DENND2A: variants seen among roughly 807,000 people sequenced by gnomAD.
DENND2A encodes the protein DENN domain containing 2A, also known as DENN domain-containing protein 2A.
A neutral mutation model predicts 105.3 loss-of-function variants in DENND2A; 53 were observed. That is an observed-to-expected ratio of 0.50 (90% CI 0.40 to 0.63). The LOEUF is 0.63. DENND2A is among the 30% of genes least tolerant of loss of function. DENND2A has a pLI of 0.00. For synonymous variants in DENND2A, 522 were observed against 508.4 expected (o/e 1.03, Z -0.36); for missense variants, 1,138 against 1,279.6 (o/e 0.89, Z 1.69).
chr7:140,609,762 G>C (rs189212290), intron 1 of DENND2A: 1 of 152,254 alleles, frequency 6.6e-6, no homozygotes, highest in East Asian at 1.9e-4. Flanking sequence ...AGTGAATACT[G>C]TAAAATCTTT....
intron 6 of DENND2A, 43 bp from the exon 7 acceptor site, chr7:140,569,781 C>T (rs1798015504): frequency 7.3e-7 from 1 of 1,376,806 alleles, no homozygotes; most frequent in Non-Finnish European, 1.0e-6. Context: ...TAGCAGCCCA[C>T]TCTCTGTGGC....
At chr7:140,599,481 T>C (rs912790101) in intron 3 of DENND2A, among the ~76,000 whole-genome samples, 2 of 152,096 alleles carry the variant, frequency 1.3e-5, no homozygotes, top group Non-Finnish European at 2.9e-5. Flanking sequence ...GTTTATGTTA[T>C]ACATGTTAAC....
intron 1 of DENND2A, among the ~76,000 whole-genome samples, chr7:140,636,522 C>T (rs565289284): frequency 6.6e-6 from 1 of 152,138 alleles, no homozygotes; most frequent in Non-Finnish European, 1.5e-5. Context: ...CTTTTGGAAT[C>T]TGAGTTTCCG....
At chr7:140,605,102 C>G (rs1489400745) in intron 2 of DENND2A, among the ~76,000 whole-genome samples, 1 of 152,188 alleles carries the variant, frequency 6.6e-6, no homozygotes, top group East Asian at 1.9e-4. Flanking sequence ...ACTCACGCAA[C>G]AGAGGCAAGG....
At position 140,555,631 on chromosome 7, in the gene DENND2A, C is replaced by G. The variant is rs1464847776; in HGVS notation, c.2037+5G>C. 1.2e-6 allele frequency: 2 copies of G among 1,611,532 alleles called. No individual in the cohort carries two copies. Among genetic ancestry groups the G allele is most frequent in the Admixed American group, 1.7e-5 (1 of 59,396 alleles). On this transcript the variant is annotated splice_donor_5th_base_variant and intron_variant, in intron 12 of 19. Transcript: ENST00000496613. ...TTCCTCTTTCTCTGAGGTCCAAGTT[C>G]TCACCCTTGAAAAGAGGCTGAAGCA...
At chr7:140,568,402 T>A (rs1030532039) in intron 8 of DENND2A, among the ~76,000 whole-genome samples, 5 of 152,150 alleles carry the variant, frequency 3.3e-5, no homozygotes, top group African/African-American at 1.2e-4. Context: ...AGTGATTTCC[T>A]CCAGATCACA....
intron 5 of DENND2A, among the ~76,000 whole-genome samples, chr7:140,577,895 T>C (rs1214255732): frequency 6.6e-6 from 1 of 152,166 alleles, no homozygotes; most frequent in African/African-American, 2.4e-5. Flanking sequence ...CCCAGAACTA[T>C]GGCATAAAAG....
At chr7:140,600,969 G>A (rs1051668998) in intron 3 of DENND2A, among the ~76,000 whole-genome samples, 1 of 152,158 alleles carries the variant, frequency 6.6e-6, no homozygotes, top group Non-Finnish European at 1.5e-5. Flanking sequence ...GCTTCGAGAG[G>A]TTAGATAACT....
At chr7:140,545,632 G>A (rs762900460) in intron 13 of DENND2A, among the ~76,000 whole-genome samples, 12 of 152,236 alleles carry the variant, frequency 7.9e-5, no homozygotes, top group Non-Finnish European at 1.3e-4. Flanking sequence ...TTACAGGCAT[G>A]CTGGGATTAC....
At chr7:140,575,884 G>T (rs1798278068) in intron 5 of DENND2A, among the ~76,000 whole-genome samples, 1 of 151,800 alleles carries the variant, frequency 6.6e-6, no homozygotes, top group Non-Finnish European at 1.5e-5. Context: ...CAGGATAATT[G>T]CTTGAAGCCA....
chr7:140,562,374 T>C (rs1301449716), intron 9 of DENND2A, among the ~76,000 whole-genome samples: 2 of 150,624 alleles, frequency 1.3e-5, no homozygotes, highest in African/African-American at 4.9e-5. Context: ...TAAAAACCAC[T>C]TCCTGGCTGG....
chr7:140,547,697 C>T (rs73487670), intron 12 of DENND2A, among the ~76,000 whole-genome samples: 2,086 of 152,238 alleles, frequency 0.014, 42 homozygotes, highest in African/African-American at 0.047. Flanking sequence ...TTGTCTGTAG[C>T]GGCATTATTC....
At chr7:140,617,564 A>G (rs943548432) in intron 1 of DENND2A, among the ~76,000 whole-genome samples, 2 of 151,916 alleles carry the variant, frequency 1.3e-5, no homozygotes, top group African/African-American at 4.8e-5. Context: ...AAATACAAAC[A>G]TTATCTGGGT....
At chr7:140,534,016 C>T (rs1276778861) in intron 14 of DENND2A, among the ~76,000 whole-genome samples, 3 of 151,382 alleles carry the variant, frequency 2.0e-5, no homozygotes, top group Middle Eastern at 6.9e-3. Context: ...TGGGTTCAAG[C>T]GATTCTCCTG....
chr7:140,540,020 A>G (rs1001681681), intron 14 of DENND2A, among the ~76,000 whole-genome samples: 5 of 152,232 alleles, frequency 3.3e-5, no homozygotes, highest in African/African-American at 4.8e-5. Flanking sequence ...GAGGAGACCC[A>G]GGGCCAACGG....
intron 9 of DENND2A, among the ~76,000 whole-genome samples, chr7:140,565,788 G>A (rs1265712020): frequency 6.6e-6 from 1 of 152,022 alleles, no homozygotes; most frequent in Non-Finnish European, 1.5e-5. Flanking sequence ...CAAAATACAC[G>A]TCATAAAGAC....
intron 6 of DENND2A, among the ~76,000 whole-genome samples, chr7:140,572,397 A>T (rs1563150465): frequency 6.6e-6 from 1 of 152,006 alleles, no homozygotes; most frequent in Admixed American, 6.6e-5. Context: ...ATCTGCATAA[A>T]GTTTTACATT....
At chr7:140,599,613 A>G (rs1799408003) in intron 3 of DENND2A, among the ~76,000 whole-genome samples, 1 of 152,074 alleles carries the variant, frequency 6.6e-6, no homozygotes, top group African/African-American at 2.4e-5. Flanking sequence ...ACAGCTAGTA[A>G]GTAGCAAAAC....
chr7:140,567,309 AG>A (rs1379894473), intron 8 of DENND2A, 36 bp from the exon 9 acceptor site: 5 of 1,152,288 alleles, frequency 4.3e-6, no homozygotes, highest in Non-Finnish European at 5.6e-6. Flanking sequence ...AGAGAAAGAG[AG>A]AGAGAGAGAG....
Sources: gnomAD v4.1 joint callset for allele counts (sites outside exome capture counted in the v4.1 genomes callset) on GRCh38, gnomAD v4.1.1 for gene constraint, MANE v1.5 for transcripts, NCBI Gene and HGNC (gene_info 2026-07-23, HGNC 2026-07-21) for gene names.